KRABD4: variants seen among roughly 807,000 people sequenced by gnomAD.
KRABD4 encodes KRAB domain containing 4.
chrX:46,466,417 A>G, the KRABD4 span, among the ~76,000 whole-genome samples: 15 of 111,872 alleles, frequency 1.3e-4, no homozygotes, highest in African/African-American at 4.9e-4. Context: ...GGCCTACCCC[A>G]GGCTTTGCTA....
the KRABD4 span, among the ~76,000 whole-genome samples, chrX:46,457,989 G>A: frequency 3.1e-4 from 35 of 111,322 alleles, no homozygotes; most frequent in African/African-American, 1.0e-3. Flanking sequence ...TGGTCCACCC[G>A]CCTTGGCCTC....
the KRABD4 span, chrX:46,473,600 T>G: frequency 2.2e-6 from 1 of 450,473 alleles, no homozygotes; most frequent in Non-Finnish European, 3.7e-6. Context: ...GTGAATAGTG[T>G]GATGAAATTT....
chrX:46,452,352 A>G, the KRABD4 span, among the ~76,000 whole-genome samples: 1 of 105,859 alleles, frequency 9.4e-6, no homozygotes, highest in Non-Finnish European at 1.9e-5. Context: ...GTGTGGCACT[A>G]TTGACATTTT....
chrX:46,464,176 A>G, the KRABD4 span, among the ~76,000 whole-genome samples: 4 of 111,556 alleles, frequency 3.6e-5, no homozygotes, highest in African/African-American at 1.3e-4. Flanking sequence ...GCTACCTACA[A>G]GGATCCAGAA....
At chrX:46,452,279 C>T in the KRABD4 span, among the ~76,000 whole-genome samples, 10 of 101,306 alleles carry the variant, frequency 9.9e-5, no homozygotes, top group East Asian at 8.8e-4. Flanking sequence ...CCTGGTCTTT[C>T]TGGTCCTTTT....
chrX:46,463,235 G>A, the KRABD4 span: 41 of 1,210,412 alleles, frequency 3.4e-5, no homozygotes, highest in Non-Finnish European at 4.6e-5. Context: ...TCTTCAGGTT[G>A]GGACCAGGTG....
At chrX:46,452,370 G>T in the KRABD4 span, among the ~76,000 whole-genome samples, 2 of 108,352 alleles carry the variant, frequency 1.8e-5, no homozygotes, top group African/African-American at 6.7e-5. Context: ...TTTGGTTGAG[G>T]TCATTATTTG....
the KRABD4 span, chrX:46,462,678 G>A: frequency 8.3e-7 from 1 of 1,209,913 alleles, no homozygotes; most frequent in South Asian, 1.8e-5. Flanking sequence ...AGCCCTCCGT[G>A]TGCGTGAGAT....
At chrX:46,456,609 A>T in the KRABD4 span, 5 of 281,379 alleles carry the variant, frequency 1.8e-5, no homozygotes, top group African/African-American at 1.4e-4. Flanking sequence ...AACAAATAGA[A>T]TCACTCCCCA....
chrX:46,468,397 G>A, the KRABD4 span, among the ~76,000 whole-genome samples: 124 of 109,774 alleles, frequency 1.1e-3, no homozygotes, highest in Non-Finnish European at 2.0e-3. Flanking sequence ...GCATGGTGGT[G>A]CGCACCTGTA....
the KRABD4 span, among the ~76,000 whole-genome samples, chrX:46,469,497 G>C: frequency 9.0e-6 from 1 of 111,658 alleles, no homozygotes; most frequent in Non-Finnish European, 1.9e-5. Context: ...TTTTCCTATT[G>C]CTCATTGCTA....
At chrX:46,462,682 G>A in the KRABD4 span, 147 of 1,207,787 alleles carry the variant, frequency 1.2e-4, no homozygotes, top group Middle Eastern at 4.6e-4. Flanking sequence ...CTCCGTGTGC[G>A]TGAGATGCCA....
the KRABD4 span, chrX:46,450,451 G>A: frequency 1.7e-6 from 2 of 1,206,790 alleles, no homozygotes; most frequent in Non-Finnish European, 2.2e-6. Flanking sequence ...TTTGTCCAGA[G>A]CAGAACAGGA....
chrX:46,460,150 C>T, the KRABD4 span, among the ~76,000 whole-genome samples: 423 of 111,951 alleles, frequency 3.8e-3, 4 homozygotes, highest in African/African-American at 0.013. Context: ...ACAGGCAAAG[C>T]GCGGTGGCTC....
the KRABD4 span, chrX:46,462,747 G>C: frequency 2.5e-6 from 3 of 1,211,616 alleles, no homozygotes; most frequent in Non-Finnish European, 3.4e-6. Context: ...TGCCATTACA[G>C]GAATCATTGA....
the KRABD4 span, among the ~76,000 whole-genome samples, chrX:46,469,577 A>G: frequency 8.9e-6 from 1 of 112,302 alleles, no homozygotes; most frequent in South Asian, 3.6e-4. Flanking sequence ...AAGCTCACAT[A>G]TTAGTGCTAG....
At chrX:46,464,586 C>T in the KRABD4 span, among the ~76,000 whole-genome samples, 1 of 112,372 alleles carries the variant, frequency 8.9e-6, no homozygotes, top group East Asian at 2.8e-4. Context: ...ACCACTCTAG[C>T]TTCCCCCAGG....
the KRABD4 span, chrX:46,455,690 C>T: frequency 5.0e-5 from 19 of 380,609 alleles, no homozygotes; most frequent in South Asian, 6.2e-4. Flanking sequence ...CATGGAGCTG[C>T]AAGTTGTACA....
chrX:46,449,861 G>C, the KRABD4 span, among the ~76,000 whole-genome samples: 3 of 111,226 alleles, frequency 2.7e-5, no homozygotes, highest in Admixed American at 9.5e-5. Context: ...CCACTTCCTG[G>C]GCTCAAGTGA....
Sources: allele counts gnomAD v4.1 joint callset (sites outside exome capture counted in the v4.1 genomes callset), GRCh38; gene constraint gnomAD v4.1.1; transcripts MANE v1.5; gene names NCBI Gene and HGNC (gene_info 2026-07-23, HGNC 2026-07-21).